PTPRD: variants seen among roughly 807,000 people sequenced by gnomAD.
The protein encoded by PTPRD is protein tyrosine phosphatase receptor type D.
Under a neutral mutation model 214.5 loss-of-function variants are expected in PTPRD, and 34 were observed. The observed-to-expected ratio is 0.16, with a 90% CI of 0.12 to 0.21. The LOEUF (loss-of-function observed/expected upper bound fraction) is 0.21, where lower values mean the gene tolerates loss of function less well. Among genes scored for constraint, PTPRD ranks in the 10% least tolerant of loss-of-function variants. The pLI is 1.00. For synonymous variants in PTPRD, 1,128 were observed against 845.7 expected (o/e 1.33, Z -5.79); for missense variants, 2,545 against 2,398.7 (o/e 1.06, Z -1.27).
At chr9:8,644,083 G>C (rs1199942903) in intron 12 of PTPRD, among the ~76,000 whole-genome samples, 1 of 152,202 alleles carries the variant, frequency 6.6e-6, no homozygotes. Flanking sequence ...AAGCAAAGCA[G>C]ATGGGACAAC....
intron 9 of PTPRD, among the ~76,000 whole-genome samples, chr9:9,351,485 A>C (rs2051116793): frequency 6.6e-6 from 1 of 152,006 alleles, no homozygotes; most frequent in Admixed American, 6.6e-5. Context: ...CGCAAAGGAC[A>C]CACTATCTGA....
At chr9:9,689,009 T>A (rs2097215011) in intron 7 of PTPRD, among the ~76,000 whole-genome samples, 1 of 151,832 alleles carries the variant, frequency 6.6e-6, no homozygotes, top group Non-Finnish European at 1.5e-5. Context: ...ACAACAAAAT[T>A]GCAATTAATG....
chr9:9,931,967 A>T (rs904650996), intron 5 of PTPRD, among the ~76,000 whole-genome samples: 2 of 151,986 alleles, frequency 1.3e-5, no homozygotes, highest in East Asian at 1.9e-4. Context: ...GCAGGGGCAC[A>T]CTGACACCTC....
intron 14 of PTPRD, among the ~76,000 whole-genome samples, chr9:8,567,732 A>C (rs148423956): frequency 4.1e-4 from 63 of 152,310 alleles, no homozygotes; most frequent in African/African-American, 1.5e-3. Flanking sequence ...TGAATGAATC[A>C]TACAACCTTT....
chr9:10,559,947 T>C (rs2063490356), intron 2 of PTPRD, among the ~76,000 whole-genome samples: 1 of 152,108 alleles, frequency 6.6e-6, no homozygotes, highest in Admixed American at 6.6e-5. Context: ...AGGAACACTT[T>C]TACACTGTTG....
chr9:8,392,728 A>G (rs1418237555), intron 36 of PTPRD, among the ~76,000 whole-genome samples: 1 of 152,126 alleles, frequency 6.6e-6, no homozygotes, highest in Non-Finnish European at 1.5e-5. Flanking sequence ...CGCTCTGGTG[A>G]AAAGACATTT....
At chr9:9,565,332 A>G (rs1010897881) in intron 8 of PTPRD, among the ~76,000 whole-genome samples, 1 of 151,928 alleles carries the variant, frequency 6.6e-6, no homozygotes, top group Non-Finnish European at 1.5e-5. Context: ...TAGACTATGT[A>G]GAAATGGAGA....
chr9:9,761,203 T>G (rs1324569353), intron 6 of PTPRD, among the ~76,000 whole-genome samples: 1 of 152,180 alleles, frequency 6.6e-6, no homozygotes, highest in Non-Finnish European at 1.5e-5. Flanking sequence ...GGAATGCTGA[T>G]CAAAAATAAA....
intron 2 of PTPRD, among the ~76,000 whole-genome samples, chr9:10,546,568 A>T (rs2060218371): frequency 1.3e-5 from 2 of 152,076 alleles, no homozygotes; most frequent in South Asian, 4.1e-4. Context: ...GGAAAGAACA[A>T]ATATTGTATA....
intron 5 of PTPRD, among the ~76,000 whole-genome samples, chr9:9,778,424 T>C (rs2098816320): frequency 6.6e-6 from 1 of 152,112 alleles, no homozygotes; most frequent in African/African-American, 2.4e-5. Context: ...ACAGAAATGT[T>C]TGTGTGCTGG....
At chr9:9,275,935 A>G (rs1269433759) in intron 9 of PTPRD, among the ~76,000 whole-genome samples, 2 of 151,178 alleles carry the variant, frequency 1.3e-5, no homozygotes, top group African/African-American at 4.9e-5. Flanking sequence ...GTGTAAACCA[A>G]CCGTGCCTTA....
At chr9:9,142,865 A>C (rs904907372) in intron 10 of PTPRD, among the ~76,000 whole-genome samples, 1 of 152,088 alleles carries the variant, frequency 6.6e-6, no homozygotes, top group African/African-American at 2.4e-5. Flanking sequence ...ATTAATCTAC[A>C]GGGCCATATT....
At chr9:9,039,384 A>G (rs1262807087) in intron 10 of PTPRD, among the ~76,000 whole-genome samples, 1 of 152,188 alleles carries the variant, frequency 6.6e-6, no homozygotes, top group East Asian at 1.9e-4. Flanking sequence ...TCTGCAGCTA[A>G]TTAGATCTGC....
intron 2 of PTPRD, among the ~76,000 whole-genome samples, chr9:10,393,251 T>C (rs1003019894): frequency 6.6e-6 from 1 of 151,688 alleles, no homozygotes; most frequent in African/African-American, 2.4e-5. Context: ...TAGTAAAAAA[T>C]GTACTGACAG....
intron 3 of PTPRD, among the ~76,000 whole-genome samples, chr9:10,185,638 T>G (rs1417406070): frequency 6.6e-6 from 1 of 152,158 alleles, no homozygotes; most frequent in Non-Finnish European, 1.5e-5. Flanking sequence ...CAGGCTAATT[T>G]GACTCTAAGA....
intron 11 of PTPRD, among the ~76,000 whole-genome samples, chr9:9,016,357 A>G (rs369163515): frequency 6.6e-6 from 1 of 152,158 alleles, no homozygotes; most frequent in Non-Finnish European, 1.5e-5. Flanking sequence ...CTGGGTTCCA[A>G]TTCCAATTCT....
At chr9:10,497,853 C>G (rs2042537534) in intron 2 of PTPRD, among the ~76,000 whole-genome samples, 1 of 151,834 alleles carries the variant, frequency 6.6e-6, no homozygotes, top group African/African-American at 2.4e-5. Context: ...AGTCTTCTGA[C>G]TATAAAAAAC....
At chr9:9,076,020 C>T (rs1264698808) in intron 10 of PTPRD, among the ~76,000 whole-genome samples, 6 of 152,098 alleles carry the variant, frequency 3.9e-5, no homozygotes, top group African/African-American at 1.2e-4. Flanking sequence ...AGTTTATAGT[C>T]CCACCAACAG....
At chr9:9,413,365 C>T (rs1475595576) in intron 8 of PTPRD, among the ~76,000 whole-genome samples, 7 of 151,706 alleles carry the variant, frequency 4.6e-5, no homozygotes, top group Middle Eastern at 3.4e-3. Context: ...CCACCCGCCT[C>T]GGCCTCCCAA....
Sources: gnomAD v4.1 joint callset for allele counts (sites outside exome capture counted in the v4.1 genomes callset) on GRCh38, gnomAD v4.1.1 for gene constraint, MANE v1.5 for transcripts, NCBI Gene and HGNC (gene_info 2026-07-23, HGNC 2026-07-21) for gene names.